FOXP1: variants seen among roughly 807,000 people sequenced by gnomAD.
The protein encoded by FOXP1 is forkhead box P1.
A neutral mutation model predicts 98.2 loss-of-function variants in FOXP1; 15 were observed. That is an observed-to-expected ratio of 0.15 (90% CI 0.10 to 0.24). The LOEUF (loss-of-function observed/expected upper bound fraction) is 0.24, where lower values mean the gene tolerates loss of function less well. FOXP1 is among the 10% of genes least tolerant of loss of function. The pLI is 1.00. For synonymous variants in FOXP1, 371 were observed against 314.5 expected, an observed-to-expected ratio of 1.18 and a Z score of -1.90; for missense variants, 633 against 848.5, an observed-to-expected ratio of 0.75 and a Z score of 3.15.
intron 6 of FOXP1, among the ~76,000 whole-genome samples, chr3:71,170,928 TTTTG>T (rs2061620850): frequency 1.3e-5 from 2 of 152,238 alleles, no homozygotes; most frequent in South Asian, 4.2e-4. Flanking sequence ...CTTTTCTTCT[TTTTG>T]TTTGAGTTTT....
At chr3:71,087,176 A>T (rs2107571760) in intron 7 of FOXP1, among the ~76,000 whole-genome samples, 2 of 152,344 alleles carry the variant, frequency 1.3e-5, no homozygotes, top group South Asian at 4.1e-4. Flanking sequence ...AGAGCTGTGC[A>T]GGCCCTGAAG....
chr3:71,112,808 G>C (rs1395658123), intron 6 of FOXP1, among the ~76,000 whole-genome samples, 171 bp from the exon 7 acceptor site: 1 of 152,166 alleles, frequency 6.6e-6, no homozygotes, highest in African/African-American at 2.4e-5. Flanking sequence ...AAACTTTCCA[G>C]AATTTGTTTA....
chr3:71,033,006 A>AC (rs1223134201), intron 11 of FOXP1, among the ~76,000 whole-genome samples: 4 of 152,160 alleles, frequency 2.6e-5, no homozygotes, highest in Non-Finnish European at 5.9e-5. Context: ...AAAGAGTAAA[A>AC]CCGAGTACCA....
chr3:71,107,260 A>C (rs146520119), intron 7 of FOXP1, among the ~76,000 whole-genome samples: 1 of 152,268 alleles, frequency 6.6e-6, no homozygotes, highest in Non-Finnish European at 1.5e-5. Flanking sequence ...ATCAAAGAAA[A>C]ACAAAATCTT....
Position 71,041,514 on chromosome 3 carries a change from A to G in FOXP1, c.683T>C (p.Leu228Pro), listed in dbSNP as rs745606824. The stretch of plus-strand genomic sequence containing the variant: ...TGTCACTTCTTTCCAGAGCTGCTGC[A>G]GTTCTGTTGGAATCATGCCTGAAAC... ...PLAQGMIPTELQQLWKEVTSA... is the reference protein window; with the variant it reads ...PLAQGMIPTEPQQLWKEVTSA... The change falls in exon 11 of 21, where the codon CTG (leucine) becomes CCG (proline). Residue 228 changes from leucine (L) to proline (P), a missense_variant. Around this residue, in one of 6 missense-constraint regions of FOXP1, gnomAD observed 210 missense variants for 270.6 expected, o/e 0.78. Transcript: ENST00000649528. 2 of 1,613,842 alleles carry G rather than the reference A, an allele frequency of 1.2e-6. No individual in the cohort carries two copies. Among genetic ancestry groups the G allele is most frequent in the Non-Finnish European group, 8.5e-7 (1 of 1,179,808 alleles).
chr3:71,469,546 A>C (rs550305567), intron 3 of FOXP1, among the ~76,000 whole-genome samples: 32 of 152,278 alleles, frequency 2.1e-4, no homozygotes, highest in African/African-American at 6.7e-4. Context: ...CTGGGATCCA[A>C]ATGGGAGTAT....
chr3:71,135,853 A>T (rs75667385), intron 6 of FOXP1, among the ~76,000 whole-genome samples: 2,171 of 152,126 alleles, frequency 0.014, 62 homozygotes, highest in East Asian at 0.11. Flanking sequence ...TCTTTATTTA[A>T]CTCTTCAAGG....
At chr3:71,171,688 T>C (rs1282715869) in intron 6 of FOXP1, among the ~76,000 whole-genome samples, 2 of 152,240 alleles carry the variant, frequency 1.3e-5, no homozygotes, top group African/African-American at 4.8e-5. Flanking sequence ...AACAATCTAT[T>C]AGCAACCTGA....
intron 5 of FOXP1, among the ~76,000 whole-genome samples, chr3:71,235,773 A>G (rs758861308): frequency 5.9e-5 from 9 of 152,082 alleles, no homozygotes; most frequent in Non-Finnish European, 1.2e-4. Context: ...TCACCGTGTT[A>G]GCCAGGATGG....
intron 19 of FOXP1, chr3:70,969,701 T>C (rs1194996664): frequency 6.6e-6 from 1 of 152,264 alleles, no homozygotes; most frequent in African/African-American, 2.4e-5. Context: ...ATGTTCATAT[T>C]TGCTCAAGTA....
intron 5 of FOXP1, among the ~76,000 whole-genome samples, chr3:71,226,571 C>T (rs1338548076): frequency 7.0e-6 from 1 of 143,806 alleles, no homozygotes; most frequent in Non-Finnish European, 1.6e-5. Flanking sequence ...TCTCTCTCTC[C>T]TGTCTCTCTC....
chr3:71,094,555 G>A (rs907609519), intron 7 of FOXP1, among the ~76,000 whole-genome samples: 2 of 152,040 alleles, frequency 1.3e-5, no homozygotes, highest in African/African-American at 4.8e-5. Context: ...CAAGCTTCGG[G>A]GTTTGGCCCA....
At position 71,512,769 on chromosome 3, in the gene FOXP1, T is replaced by G. The variant is rs2042292270; in HGVS notation, c.-297-19214A>C. 2.0e-5 allele frequency among the ~76,000 whole-genome samples: 3 copies of G among 152,324 alleles called. No homozygotes were observed. In the South Asian group the frequency reaches 6.2e-4, roughly 32 times the overall value. On this transcript the variant is annotated intron_variant, in intron 2 of 20. Transcript: ENST00000649528. ...AGTTCCATTCTGTCCCACATCCTGG[T>G]GCCGTCATCTCTTCCCACACACAGT... is the stretch of plus-strand genomic sequence containing the variant.
At chr3:71,484,908 T>C (rs771749778) in intron 3 of FOXP1, among the ~76,000 whole-genome samples, 3 of 152,206 alleles carry the variant, frequency 2.0e-5, no homozygotes, top group Non-Finnish European at 2.9e-5. Context: ...CGTAGGAAGA[T>C]TACAGATAAA....
chr3:71,125,049 A>G (rs2059061458), intron 6 of FOXP1, among the ~76,000 whole-genome samples: 1 of 152,202 alleles, frequency 6.6e-6, no homozygotes, highest in African/African-American at 2.4e-5. Context: ...GCTCTTTCCA[A>G]TGGCAAATGT....
At chr3:71,131,209 A>C (rs966221786) in intron 6 of FOXP1, among the ~76,000 whole-genome samples, 4 of 152,074 alleles carry the variant, frequency 2.6e-5, no homozygotes, top group African/African-American at 9.7e-5. Context: ...ACCATCAACC[A>C]AACTACCTGT....
chr3:71,099,587 AATC>A (rs2056781918), intron 7 of FOXP1, among the ~76,000 whole-genome samples: 2 of 152,324 alleles, frequency 1.3e-5, no homozygotes, highest in African/African-American at 4.8e-5. Flanking sequence ...TTCATGCATT[AATC>A]AGTTAATCTT....
chr3:71,427,321 CA>C (rs1202162587), intron 3 of FOXP1, among the ~76,000 whole-genome samples: 1 of 152,140 alleles, frequency 6.6e-6, no homozygotes, highest in Non-Finnish European at 1.5e-5. Context: ...AAGCATTTCA[CA>C]CAGAGCAAAA....
At chr3:71,083,034 G>A (rs1449773027) in intron 7 of FOXP1, among the ~76,000 whole-genome samples, 3 of 152,156 alleles carry the variant, frequency 2.0e-5, no homozygotes, top group African/African-American at 4.8e-5. Context: ...AACATCATCC[G>A]GGGGATGCAG....
Sources: gnomAD v4.1 joint callset for allele counts (sites outside exome capture counted in the v4.1 genomes callset) on GRCh38, gnomAD v4.1.1 for gene constraint, gnomAD v4.1.1 regional missense constraint, MANE v1.5 for transcripts, NCBI Gene and HGNC (gene_info 2026-07-23, HGNC 2026-07-21) for gene names.